TMTC3: variants seen among roughly 807,000 people sequenced by gnomAD.
The protein encoded by TMTC3 is protein O-mannosyl-transferase TMTC3.
Under a neutral mutation model 92.2 loss-of-function variants are expected in TMTC3, and 52 were observed. That is an observed-to-expected ratio of 0.56 (90% CI 0.45 to 0.71). TMTC3 has a LOEUF of 0.71. Among genes scored for constraint, TMTC3 ranks in the 30% least tolerant of loss-of-function variants. The pLI, the probability that TMTC3 is intolerant of heterozygous loss-of-function variation, is 0.00. For missense variants in TMTC3, 896 were observed against 1,057.1 expected (o/e 0.85, Z 2.11); for synonymous variants, 339 against 363.3 (o/e 0.93, Z 0.76).
intron 12 of TMTC3, among the ~76,000 whole-genome samples, chr12:88,192,286 C>G (rs184354550): frequency 2.2e-4 from 33 of 152,110 alleles, no homozygotes; most frequent in Admixed American, 5.9e-4. Context: ...AGTCTGTCTC[C>G]TTTTTAAGAT....
At chr12:88,151,697 T>G (rs1175312819) in intron 2 of TMTC3, among the ~76,000 whole-genome samples, 1 of 152,180 alleles carries the variant, frequency 6.6e-6, no homozygotes, top group East Asian at 1.9e-4. Context: ...CCCTTCTACT[T>G]TCTGAGTACA....
chr12:88,145,292 TCTTTC>T lies in TMTC3; in HGVS notation c.-29+2807_-29+2811del, dbSNP rs1265699063. Among the ~76,000 whole-genome samples, 24 of 152,312 alleles carry T rather than the reference TCTTTC, an allele frequency of 1.6e-4. No individual in the cohort carries two copies. In the East Asian group the frequency reaches 4.6e-3, roughly 29 times the overall value. ...TTAATTCACACTGACTCCCTACTGA[TCTTTC>T]CAGTTTCCTCATGTTGAAGGAAGAC... On this transcript the variant is annotated intron_variant, in intron 1 of 13. Coordinates refer to ENST00000266712, the MANE Select transcript of TMTC3 (RefSeq NM_181783.4).
intron 10 of TMTC3, among the ~76,000 whole-genome samples, chr12:88,185,252 C>A (rs912599443): frequency 2.0e-5 from 3 of 152,118 alleles, no homozygotes; most frequent in Admixed American, 2.0e-4. Flanking sequence ...TCACCCCAGC[C>A]TTCTCTAAGC....
chr12:88,158,661 G>T (rs1392180241), intron 4 of TMTC3, among the ~76,000 whole-genome samples: 1 of 82,448 alleles, frequency 1.2e-5, no homozygotes, highest in African/African-American at 3.4e-5. Context: ...ATTAAGCCCA[G>T]TGACAGAAGA....
At chr12:88,160,640 T>C (rs2041065393) in intron 5 of TMTC3, 39 bp from the exon 6 acceptor site, 1 of 1,567,828 alleles carries the variant, frequency 6.4e-7, no homozygotes. Context: ...TTGAGATATG[T>C]CGTTATTTGT....
At chr12:88,160,995 T>A in intron 6 of TMTC3, 144 bp downstream of exon 6, 1 of 798,228 alleles carries the variant, frequency 1.3e-6, no homozygotes, top group Non-Finnish European at 1.9e-6. Flanking sequence ...TGCATATATT[T>A]AAAATTTATG....
Position 88,147,973 on chromosome 12 carries a change from G to T in TMTC3, c.-28-315G>T, listed in dbSNP as rs923422666. Among the ~76,000 whole-genome samples the T allele has an allele frequency of 1.6e-4, 25 of 152,076 alleles. No homozygotes were observed. In the East Asian group the frequency reaches 4.8e-3, roughly 29 times the overall value. On this transcript the variant is annotated intron_variant, in intron 1 of 13. Coordinates refer to ENST00000266712, the MANE Select transcript of TMTC3 (RefSeq NM_181783.4). ...ATTTTCAATATGCTGCCTTTTCCCT[G>T]TTATCAGAGACCCTATGTTTTAAAT...
In TMTC3 at chr12:88,199,878, C is replaced by CA. The variant is rs200655766; in HGVS notation, c.*4235dup. The CA allele has an allele frequency of 2.0e-5, 3 of 152,296 alleles. No individual in the cohort carries two copies. Among genetic ancestry groups the CA allele is most frequent in the Admixed American group, 6.5e-5 (1 of 15,294 alleles). 9.4% of individuals were successfully genotyped at this position (152,296 alleles called of 1,614,324 possible). A position where few individuals can be genotyped will look rare whatever the true frequency, so the allele number is the denominator to read the frequency against. On this transcript the variant is annotated 3_prime_UTR_variant, in exon 14 of 14. Transcript: ENST00000266712. ...TTTCTGCCTTAAATAAAATAACCCT[C>CA]AAAAAACCATTCTAGTTTGCCCTTT...
intron 4 of TMTC3, among the ~76,000 whole-genome samples, chr12:88,157,169 G>A (rs1327916908): frequency 6.6e-6 from 1 of 151,926 alleles, no homozygotes; most frequent in Non-Finnish European, 1.5e-5. Flanking sequence ...ATAAGTAAGT[G>A]AATGAATGTA....
chr12:88,185,902 G>C (rs2041372841), intron 10 of TMTC3, among the ~76,000 whole-genome samples: 1 of 151,852 alleles, frequency 6.6e-6, no homozygotes, highest in African/African-American at 2.4e-5. Flanking sequence ...ATTTGATTGT[G>C]ACTTATTATC....
At chr12:88,193,032 A>G (rs553245827) in intron 13 of TMTC3, among the ~76,000 whole-genome samples, 1 of 152,270 alleles carries the variant, frequency 6.6e-6, no homozygotes, top group African/African-American at 2.4e-5. Flanking sequence ...ACATATGATA[A>G]TACTGATTTT....
intron 11 of TMTC3, 107 bp downstream of exon 11, chr12:88,189,053 A>C: frequency 1.5e-6 from 1 of 689,006 alleles, no homozygotes; most frequent in Non-Finnish European, 2.5e-6. Context: ...GTTGATATAA[A>C]AGTAAGTTTT....
chr12:88,180,656 T>C (rs2041307672), intron 10 of TMTC3, among the ~76,000 whole-genome samples: 1 of 152,178 alleles, frequency 6.6e-6, no homozygotes, highest in African/African-American at 2.4e-5. Flanking sequence ...CTTCTGGGGC[T>C]GCAGGTGCTG....
At chr12:88,161,177 G>T (rs1400725142) in intron 6 of TMTC3, among the ~76,000 whole-genome samples, 1 of 152,048 alleles carries the variant, frequency 6.6e-6, no homozygotes, top group Non-Finnish European at 1.5e-5. Flanking sequence ...TGAAATCTCT[G>T]ACTATACTTG....
intron 9 of TMTC3, 40 bp from the exon 10 acceptor site, chr12:88,176,168 T>C (rs779889625): frequency 7.3e-7 from 1 of 1,376,614 alleles, no homozygotes; most frequent in Non-Finnish European, 1.0e-6. Context: ...GAGTCATTTT[T>C]TTTTAATTGT....
chr12:88,169,966 G>C, intron 7 of TMTC3, among the ~76,000 whole-genome samples: 1 of 150,720 alleles, frequency 6.6e-6, no homozygotes, highest in East Asian at 1.9e-4. Flanking sequence ...AAGAAAAAAA[G>C]AAAGAAAGAC....
At chr12:88,170,454 C>T (rs1025508853) in intron 7 of TMTC3, among the ~76,000 whole-genome samples, 58 of 152,096 alleles carry the variant, frequency 3.8e-4, no homozygotes, top group African/African-American at 1.4e-3. Flanking sequence ...GAATTCTATG[C>T]ACTCTTAGTT....
chr12:88,160,042 G>A (rs2041057740), intron 4 of TMTC3, 72 bp from the exon 5 acceptor site: 1 of 1,041,260 alleles, frequency 9.6e-7, no homozygotes, highest in Non-Finnish European at 1.4e-6. Context: ...GAATCACAAA[G>A]TTTAAAATAT....
At chr12:88,164,742 T>C (rs2041123893) in intron 6 of TMTC3, among the ~76,000 whole-genome samples, 1 of 152,208 alleles carries the variant, frequency 6.6e-6, no homozygotes, top group Non-Finnish European at 1.5e-5. Context: ...GCCAACATGT[T>C]ATTCACATTA....
Sources: allele counts gnomAD v4.1 joint callset (sites outside exome capture counted in the v4.1 genomes callset), GRCh38; gene constraint gnomAD v4.1.1; transcripts MANE v1.5; gene names NCBI Gene and HGNC (gene_info 2026-07-23, HGNC 2026-07-21).